QRICH1: variants seen among roughly 807,000 people sequenced by gnomAD.
The protein encoded by QRICH1 is glutamine rich 1.
Under a neutral mutation model 87.1 loss-of-function variants are expected in QRICH1, and 16 were observed. The observed-to-expected ratio is 0.18, with a 90% CI of 0.12 to 0.28. The LOEUF (loss-of-function observed/expected upper bound fraction) is 0.28. QRICH1 is among the 10% of genes least tolerant of loss of function. QRICH1 has a pLI of 1.00. For synonymous variants in QRICH1, 367 were observed against 368.4 expected (o/e 1.00, Z 0.05); for missense variants, 647 against 951.7 (o/e 0.68, Z 4.21).
chr3:49,074,557 G>A (rs985279974), intron 2 of QRICH1, among the ~76,000 whole-genome samples: 31 of 151,910 alleles, frequency 2.0e-4, no homozygotes, highest in African/African-American at 7.5e-4. Flanking sequence ...GGGGGACAGA[G>A]CGAGACTCCA....
intron 6 of QRICH1, 141 bp from the exon 7 acceptor site, chr3:49,033,369 T>C (rs1044138802): frequency 9.0e-6 from 4 of 446,732 alleles, no homozygotes; most frequent in African/African-American, 6.1e-5. Context: ...GCAAAAATCA[T>C]CTGGAAAGCT....
At chr3:49,068,221 G>C (rs955817807) in intron 2 of QRICH1, among the ~76,000 whole-genome samples, 2 of 151,910 alleles carry the variant, frequency 1.3e-5, no homozygotes, top group Non-Finnish European at 2.9e-5. Context: ...GCCAGGCGTG[G>C]TGGTGCATGC....
chr3:49,049,803 C>G (rs2093359779), intron 3 of QRICH1, among the ~76,000 whole-genome samples: 2 of 151,868 alleles, frequency 1.3e-5, no homozygotes, highest in South Asian at 4.1e-4. Context: ...CGGCCAGATT[C>G]TGAAGAGATC....
chr3:49,064,964 C>T (rs1042336706), intron 2 of QRICH1, among the ~76,000 whole-genome samples: 5 of 152,030 alleles, frequency 3.3e-5, no homozygotes, highest in African/African-American at 1.2e-4. Context: ...TTGCAGTGAG[C>T]GGAGATCGTG....
chr3:49,030,674 C>T, intron 9 of QRICH1, 30 bp from the exon 10 acceptor site: 1 of 1,503,330 alleles, frequency 6.7e-7, no homozygotes. Flanking sequence ...AAGTTGGGTA[C>T]CACCAATATA....
intron 2 of QRICH1, among the ~76,000 whole-genome samples, chr3:49,064,479 A>T (rs1463307560): frequency 6.7e-6 from 1 of 150,352 alleles, no homozygotes; most frequent in Admixed American, 6.6e-5. Context: ...TCTTGAACTC[A>T]TATCCTCAAG....
Position 49,047,157 on chromosome 3 carries a change from T to G in QRICH1, c.1428A>C (p.Glu476Asp). 6.2e-7 allele frequency: 1 copy of G among 1,614,212 alleles called. No homozygotes were observed. The highest frequency in any genetic ancestry group is 8.5e-7 in the Non-Finnish European group (1 of 1,180,044). ...ELLLPNSLKP[E>D]EGLEVWKNWA... ...AGTTTTTCCATACTTCAAGCCCTTC[T>G]TCTGGCTTCAAAGAATTTGGAAGCA... Residue 476 changes from glutamate to aspartate, a missense_variant, in exon 4 of 10, where the codon GAA (glutamate) becomes GAC (aspartate). By Grantham distance (45) the Glu-to-Asp change is conservative. Coordinates refer to ENST00000395443, the MANE Select transcript of QRICH1 (RefSeq NM_198880.3).
chr3:49,037,759 CA>C (rs1182969003), intron 6 of QRICH1, among the ~76,000 whole-genome samples: 1 of 148,940 alleles, frequency 6.7e-6, no homozygotes, highest in African/African-American at 2.5e-5. Context: ...AGGGGACGGG[CA>C]GATCACAAGG....
At chr3:49,042,797 T>C (rs1187554901) in intron 6 of QRICH1, among the ~76,000 whole-genome samples, 1 of 152,078 alleles carries the variant, frequency 6.6e-6, no homozygotes. Context: ...GGTCTTGAAC[T>C]CCCAATATTC....
chr3:49,094,265 G>C, upstream of QRICH1: 1 of 377,936 alleles, frequency 2.6e-6, no homozygotes, highest in African/African-American at 2.1e-5. Context: ...GTGGGGCGGA[G>C]CTAGGGCCGT....
At chr3:49,065,774 G>A (rs2093464786) in intron 2 of QRICH1, among the ~76,000 whole-genome samples, 1 of 151,504 alleles carries the variant, frequency 6.6e-6, no homozygotes, top group Admixed American at 6.6e-5. Context: ...TCCACTTCCC[G>A]GGTTCACGCC....
chr3:49,079,416 A>G (rs2042014246), intron 1 of QRICH1, among the ~76,000 whole-genome samples: 1 of 148,494 alleles, frequency 6.7e-6, no homozygotes, highest in Non-Finnish European at 1.5e-5. Flanking sequence ...AATAAAATAA[A>G]TAATTATAAT....
intron 2 of QRICH1, among the ~76,000 whole-genome samples, chr3:49,071,068 CT>C (rs10600221): frequency 0.65 from 94,635 of 144,902 alleles, 31,080 homozygotes; most frequent in East Asian, 0.96. Context: ...AATCCCCAAA[CT>C]TTTTTTTTTT....
At position 49,057,550 on chromosome 3, in the gene QRICH1, C is replaced by T. The variant is rs781739791; in HGVS notation, c.650G>A (p.Gly217Asp). The T allele has an allele frequency of 6.2e-7, 1 of 1,613,210 alleles. No homozygotes were observed. Among genetic ancestry groups the T allele is most frequent in the Non-Finnish European group, 8.5e-7 (1 of 1,179,420 alleles). Reference protein sequence around the residue: ...GGQQIQIQTVGALSPPPSQQG... With the variant: ...GGQQIQIQTVDALSPPPSQQG... ...CTGGGATGGTGGTGGGGAAAGGGCA[C>T]CCACGGTCTGGATTTGGATCTGCTG... Residue 217 changes from glycine (G) to aspartate (D), a missense_variant, in exon 3 of 10, where the codon GGT (glycine) becomes GAT (aspartate). Around this residue, in one of 7 missense-constraint regions of QRICH1, gnomAD observed 156 missense variants for 164.5 expected, o/e 0.95. Coordinates refer to ENST00000395443, the MANE Select transcript of QRICH1 (RefSeq NM_198880.3). The surrounding 1 kb of genome is among the most constrained non-coding windows in gnomAD (Gnocchi z 5.4).
rs117649754 is a variant in QRICH1 at position 49,084,661 on chromosome 3, G to A, written c.-21-7623C>T. On this transcript the variant is annotated intron_variant, in intron 1 of 9. Transcript: ENST00000395443. ...CACCCGTAATCCCAGCTACTCTAGA[G>A]GCTGAGGCAGGAGAATTGCTTGAAT... Among the ~76,000 whole-genome samples the A allele has an allele frequency of 2.7e-3, 415 of 152,090 alleles. 18 individuals carry two copies. The East Asian group carries it at 0.07, about 26-fold the overall frequency.
intron 1 of QRICH1, among the ~76,000 whole-genome samples, chr3:49,079,220 C>T (rs189179396): frequency 6.6e-6 from 1 of 151,566 alleles, no homozygotes; most frequent in African/African-American, 2.4e-5. Context: ...GGCGACAGAG[C>T]GTAACTCTGT....
Position 49,057,117 on chromosome 3 carries a change from C to G in QRICH1, c.1083G>C (p.Met361Ile). ...TTTTCACTACAGATGTGGTGCCCAC[C>G]ATCTTCTCCTTGTCATCCTCCAGCT... is the stretch of plus-strand genomic sequence containing the variant. ...AVKLEDDKEKMVGTTSVVKNS... is the reference protein window; with the variant it reads ...AVKLEDDKEKIVGTTSVVKNS... Residue 361 changes from methionine to isoleucine, a missense_variant, in exon 3 of 10, where the codon ATG (methionine) becomes ATC (isoleucine). By Grantham distance (10) the Met-to-Ile change is conservative. Around this residue, in one of 7 missense-constraint regions of QRICH1, gnomAD observed 115 missense variants for 126.8 expected, o/e 0.91. Transcript: ENST00000395443. This position sits in a 1 kb window ranked among gnomAD's most constrained non-coding sequence, Gnocchi z 5.4. 6.2e-7 allele frequency: 1 copy of G among 1,614,200 alleles called. No homozygotes were observed. Among genetic ancestry groups the G allele is most frequent in the Non-Finnish European group, 8.5e-7 (1 of 1,180,048 alleles).
rs781367129 is a variant in QRICH1 at position 49,086,456 on chromosome 3, G to A, written c.-22+7456C>T. Among the ~76,000 whole-genome samples, 7 of 151,492 alleles carry A rather than the reference G, an allele frequency of 4.6e-5. No homozygotes were observed. The East Asian group carries it at 7.8e-4, about 17-fold the overall frequency. ...GTATTTTTAGTAGAGACGGGGTTTC[G>A]CCGTGTTAGCCAGGATGGTCTCGAT... On this transcript the variant is annotated intron_variant, in intron 1 of 9. Transcript: ENST00000395443.
At chr3:49,086,208 T>G (rs1195048441) in intron 1 of QRICH1, among the ~76,000 whole-genome samples, 1 of 151,068 alleles carries the variant, frequency 6.6e-6, no homozygotes, top group Non-Finnish European at 1.5e-5. Flanking sequence ...TTTGCTGGTA[T>G]AAAATCAAAT....
Sources: allele counts gnomAD v4.1 joint callset (sites outside exome capture counted in the v4.1 genomes callset), GRCh38; gene constraint gnomAD v4.1.1; regional missense constraint gnomAD v4.1.1; non-coding constraint Gnocchi (gnomAD v3.1); transcripts MANE v1.5; gene names NCBI Gene and HGNC (gene_info 2026-07-23, HGNC 2026-07-21).